The following TCF12 variants were observed in gnomAD, a reference collection of about 807,000 sequenced individuals.
TCF12 encodes the protein DNA-binding protein HTF4.
TCF12 carries 45 observed loss-of-function variants against 86.0 expected under a neutral mutation model. The ratio of observed to expected loss-of-function variants is 0.52; its 90% CI spans 0.41 to 0.67. The LOEUF is 0.67. Ranked by LOEUF, TCF12 falls within the 30% of genes least tolerant of loss-of-function variation. The pLI, the probability that TCF12 is intolerant of heterozygous loss-of-function variation, is 0.00. For synonymous variants in TCF12, 330 were observed against 299.6 expected (o/e 1.10, Z -1.05); for missense variants, 881 against 859.9 (o/e 1.02, Z -0.31).
intron 4 of TCF12, among the ~76,000 whole-genome samples, chr15:57,086,835 G>A (rs972895741): frequency 3.6e-4 from 55 of 151,784 alleles, no homozygotes; most frequent in African/African-American, 1.3e-3. Flanking sequence ...TTGTAAAACT[G>A]TAAGTGTATT....
intron 3 of TCF12, among the ~76,000 whole-genome samples, chr15:56,994,009 T>A (rs1314155201): frequency 6.6e-6 from 1 of 152,038 alleles, no homozygotes; most frequent in Non-Finnish European, 1.5e-5. Context: ...TTGTGAACAC[T>A]CTTGAAATGT....
chr15:57,017,414 A>G (rs950877889), intron 3 of TCF12, among the ~76,000 whole-genome samples: 31 of 152,238 alleles, frequency 2.0e-4, no homozygotes, highest in Admixed American at 1.1e-3. Flanking sequence ...AGCCGCACCA[A>G]TATTTATTGG....
At chr15:57,021,766 G>A (rs559462021) in intron 3 of TCF12, among the ~76,000 whole-genome samples, 1 of 151,112 alleles carries the variant, frequency 6.6e-6, no homozygotes, top group African/African-American at 2.4e-5. Context: ...TCAACCAAGC[G>A]TGAATCGAAA....
At position 56,919,931 on chromosome 15, in the gene TCF12, A is replaced by G. The variant is rs1208620414; in HGVS notation, c.18A>G (p.Gln6=). The change falls in exon 2 of 21, where the codon CAA becomes CAG. Residue 6 remains glutamine (Q), a synonymous_variant. Coordinates refer to ENST00000333725, the MANE Select transcript of TCF12 (RefSeq NM_207037.2). MNPQQ[Q]RMAAIGTDKE... is the part of the protein sequence containing the mutation. ...GGCCGAAGATGAATCCCCAGCAACAACGCATGGCCGCTATAGGGACCGACA... is the reference window on the plus strand; with the variant it reads ...GGCCGAAGATGAATCCCCAGCAACAGCGCATGGCCGCTATAGGGACCGACA... 6 of 1,613,692 alleles carry G rather than the reference A, an allele frequency of 3.7e-6. No individual in the cohort carries two copies. The highest frequency in any genetic ancestry group is 5.1e-6 in the Non-Finnish European group (6 of 1,179,900).
intron 3 of TCF12, among the ~76,000 whole-genome samples, chr15:57,054,767 C>G (rs1189350188): frequency 7.8e-6 from 1 of 127,518 alleles, no homozygotes; most frequent in Non-Finnish European, 1.6e-5. Flanking sequence ...TTTTGCAATG[C>G]CTCTGCTTTT....
At chr15:57,174,778 A>G (rs2055788180) in intron 6 of TCF12, among the ~76,000 whole-genome samples, 1 of 152,232 alleles carries the variant, frequency 6.6e-6, no homozygotes, top group Admixed American at 6.5e-5. Flanking sequence ...TGCTTATAGT[A>G]GTATCCAAAA....
rs2049008383 is a variant in TCF12, at chr15:57,091,790, G to A, written c.224G>A (p.Gly75Asp). Residue 75 changes from glycine (G) to aspartate (D), a missense_variant and splice_region_variant, in exon 5 of 21, where the codon GGT (glycine) becomes GAT (aspartate). By Grantham distance (94) the Gly-to-Asp change is moderately conservative. Transcript: ENST00000333725. ...ACTCTGATCTTTTTCTCCCCCTAGG[G>A]TTTTACAGACAGCCCTCATTACAGT... ...QPSPSYDSSR[G>D]FTDSPHYSDH... The A allele has an allele frequency of 1.2e-6, 2 of 1,613,124 alleles. No individual in the cohort carries two copies. The highest frequency in any genetic ancestry group is 1.7e-6 in the Non-Finnish European group (2 of 1,179,428).
intron 3 of TCF12, among the ~76,000 whole-genome samples, chr15:56,981,757 A>G (rs375158327): frequency 2.0e-5 from 3 of 152,200 alleles, no homozygotes; most frequent in African/African-American, 4.8e-5. Context: ...TTCATGTTAT[A>G]TGTTTTATAT....
At chr15:57,050,051 G>A (rs190111742) in intron 3 of TCF12, among the ~76,000 whole-genome samples, 57 of 152,136 alleles carry the variant, frequency 3.7e-4, no homozygotes, top group Admixed American at 1.8e-3. Context: ...CAGTTTACTC[G>A]GAGCTTATAG....
intron 3 of TCF12, among the ~76,000 whole-genome samples, chr15:56,928,732 C>T (rs1595716440): frequency 2.0e-5 from 3 of 152,148 alleles, no homozygotes; most frequent in Admixed American, 2.0e-4. Flanking sequence ...CTTTTCCATG[C>T]TTAGGCATCA....
At chr15:57,085,861 G>A (rs965444639) in intron 4 of TCF12, among the ~76,000 whole-genome samples, 7 of 152,066 alleles carry the variant, frequency 4.6e-5, no homozygotes, top group Non-Finnish European at 1.0e-4. Context: ...CACTTAGAGG[G>A]TGTAAGATTT....
intron 5 of TCF12, among the ~76,000 whole-genome samples, chr15:57,160,520 C>T (rs145207840): frequency 1.3e-3 from 195 of 152,046 alleles, no homozygotes; most frequent in African/African-American, 4.3e-3. Context: ...CTAACCTTTG[C>T]GGTATTTTTA....
At chr15:57,199,992 C>G (rs903386393) in intron 8 of TCF12, among the ~76,000 whole-genome samples, 1 of 151,748 alleles carries the variant, frequency 6.6e-6, no homozygotes, top group Non-Finnish European at 1.5e-5. Flanking sequence ...AGCGACCCTT[C>G]CACCTCATCC....
intron 3 of TCF12, among the ~76,000 whole-genome samples, chr15:56,997,217 T>A (rs2063764152): frequency 6.6e-6 from 1 of 152,228 alleles, no homozygotes; most frequent in Admixed American, 6.5e-5. Flanking sequence ...AGACATGGAA[T>A]CAACACATGT....
intron 3 of TCF12, among the ~76,000 whole-genome samples, chr15:56,961,244 A>G (rs1206231944): frequency 4.6e-5 from 7 of 152,326 alleles, no homozygotes; most frequent in African/African-American, 1.7e-4. Flanking sequence ...TTATAGCTCC[A>G]TACATCTGAT....
chr15:57,245,774 C>T (rs1261644868), intron 13 of TCF12, among the ~76,000 whole-genome samples: 1 of 152,158 alleles, frequency 6.6e-6, no homozygotes, highest in African/African-American at 2.4e-5. Flanking sequence ...TAATGAAAAT[C>T]TGGGCTGTTG....
At chr15:57,098,447 C>T (rs1160056117) in intron 5 of TCF12, among the ~76,000 whole-genome samples, 2 of 152,248 alleles carry the variant, frequency 1.3e-5, no homozygotes, top group Non-Finnish European at 2.9e-5. Flanking sequence ...ATTCATTCCT[C>T]CATTTTTTTC....
chr15:57,163,355 A>G (rs1165406144), intron 5 of TCF12, among the ~76,000 whole-genome samples: 1 of 152,162 alleles, frequency 6.6e-6, no homozygotes, highest in Non-Finnish European at 1.5e-5. Context: ...AAGTTTTACA[A>G]CTCTAAATCT....
intron 5 of TCF12, among the ~76,000 whole-genome samples, chr15:57,153,745 G>C (rs1463649880): frequency 6.6e-6 from 1 of 152,134 alleles, no homozygotes; most frequent in African/African-American, 2.4e-5. Flanking sequence ...AGCAGGCTGA[G>C]AGCTGGGCAT....
Sources: gnomAD v4.1 joint callset for allele counts (sites outside exome capture counted in the v4.1 genomes callset) on GRCh38, gnomAD v4.1.1 for gene constraint, MANE v1.5 for transcripts, NCBI Gene and HGNC (gene_info 2026-07-23, HGNC 2026-07-21) for gene names.